The following FMO3 variants were observed in gnomAD, a reference collection of about 807,000 sequenced individuals.
FMO3 encodes the protein flavin containing dimethylaniline monoxygenase 3, also known as flavin-containing monooxygenase 3.
FMO3 carries 40 observed loss-of-function variants against 39.4 expected under a neutral mutation model. The observed-to-expected ratio is 1.02, with a 90% CI of 0.79 to 1.32. The LOEUF is 1.32. FMO3 is among the 40% of genes most tolerant of loss of function. FMO3 has a pLI of 0.00. For synonymous variants in FMO3, 219 were observed against 228.8 expected (o/e 0.96, Z 0.39); for missense variants, 680 against 651.8 (o/e 1.04, Z -0.47).
At chr1:171,095,138 T>G (rs977341895) in intron 2 of FMO3, among the ~76,000 whole-genome samples, 3 of 152,140 alleles carry the variant, frequency 2.0e-5, no homozygotes, top group Admixed American at 6.6e-5. Context: ...CTTGCACCTC[T>G]GGTTAAATGG....
At chr1:171,109,976 AG>A (rs1306253569) in intron 5 of FMO3, among the ~76,000 whole-genome samples, 5 of 152,240 alleles carry the variant, frequency 3.3e-5, no homozygotes, top group African/African-American at 1.2e-4. Flanking sequence ...CAGAAGGGGA[AG>A]GAAAGGAAAC....
At chr1:171,104,726 T>C (rs531166523) in intron 3 of FMO3, among the ~76,000 whole-genome samples, 74 of 152,034 alleles carry the variant, frequency 4.9e-4, no homozygotes, top group African/African-American at 1.8e-3. Context: ...ATACAAAAAT[T>C]AGCTGGATGT....
Position 171,114,198 on chromosome 1 carries a change from A to G in FMO3, c.1019A>G (p.Glu340Gly). The G allele has an allele frequency of 3.7e-6, 6 of 1,614,038 alleles. No individual in the cohort carries two copies. The highest frequency in any genetic ancestry group is 5.1e-6 in the Non-Finnish European group (6 of 1,179,970). ...AGTTTTGCCTACCCCTTCCTTGATGAGTCTATCATCAAAAGCAGAAACAAT... is the reference window on the plus strand; with the variant it reads ...AGTTTTGCCTACCCCTTCCTTGATGGGTCTATCATCAAAAGCAGAAACAAT... Reference protein sequence around the residue: ...GYSFAYPFLDESIIKSRNNEI... With the variant: ...GYSFAYPFLDGSIIKSRNNEI... Residue 340 changes from glutamate to glycine, a missense_variant, in exon 7 of 9, where the codon GAG becomes GGG. Coordinates refer to ENST00000367755, the MANE Select transcript of FMO3 (RefSeq NM_001002294.3).
chr1:171,116,100 A>G, intron 7 of FMO3, 108 bp from the exon 8 acceptor site: 1 of 735,572 alleles, frequency 1.4e-6, no homozygotes, highest in Non-Finnish European at 2.5e-6. Flanking sequence ...CTGTCTGAAA[A>G]TGAACACCAA....
intron 4 of FMO3, 84 bp from the exon 5 acceptor site, chr1:171,107,995 C>A: frequency 7.0e-7 from 1 of 1,436,670 alleles, no homozygotes; most frequent in Non-Finnish European, 9.8e-7. Flanking sequence ...ATTGTGACTG[C>A]ATCTATTCAC....
intron 2 of FMO3, among the ~76,000 whole-genome samples, chr1:171,102,309 C>A (rs1655434292): frequency 6.6e-6 from 1 of 151,174 alleles, no homozygotes; most frequent in African/African-American, 2.4e-5. Context: ...CCACTATGAA[C>A]TAGCAACTAC....
chr1:171,107,733 T>C lies in FMO3; in HGVS notation c.380T>C (p.Val127Ala), dbSNP rs1655708419. The C allele has an allele frequency of 6.2e-7, 1 of 1,611,916 alleles. No individual in the cohort carries two copies. The highest frequency in any genetic ancestry group is 8.5e-7 in the Non-Finnish European group (1 of 1,178,056). The change falls in exon 4 of 9, where the codon GTT becomes GCT. Residue 127 changes from valine to alanine, a missense_variant. Transcript: ENST00000367755. ...TTTGCAACTACTGGCCAGTGGGATG[T>C]TACCACTGAAAGGGATGGTAAAAAA... ...PDFATTGQWDVTTERDGKKES... is the reference protein window; with the variant it reads ...PDFATTGQWDATTERDGKKES...
chr1:171,095,689 G>A (rs1452492613), intron 2 of FMO3, among the ~76,000 whole-genome samples: 2 of 143,924 alleles, frequency 1.4e-5, no homozygotes, highest in Admixed American at 1.5e-4. Context: ...AAAAACTCTT[G>A]AAACCACCCA....
intron 7 of FMO3, 22 bp downstream of exon 7, chr1:171,114,384 T>C (rs1402046218): frequency 5.8e-6 from 9 of 1,550,268 alleles, no homozygotes; most frequent in South Asian, 3.4e-5. Flanking sequence ...AAGAGGCTCA[T>C]GGATTGCGAA....
chr1:171,116,413 C>T lies in FMO3; in HGVS notation c.1256+133C>T, dbSNP rs531123396. ...AATGACAACTACAAGCTATATTCAT[C>T]CATTCAACAAATATTAATTGAAGAC... On this transcript the variant is annotated intron_variant, in intron 8 of 8. Coordinates refer to ENST00000367755, the MANE Select transcript of FMO3 (RefSeq NM_001002294.3). 246 of 606,962 alleles carry T rather than the reference C, an allele frequency of 4.1e-4. 1 individual carries two copies. Among genetic ancestry groups the T allele is most frequent in the Non-Finnish European group, 5.1e-4 (174 of 338,420 alleles). 37.6% of individuals were successfully genotyped at this position (606,962 alleles called of 1,614,324 possible).
chr1:171,108,933 G>A (rs374801814), intron 5 of FMO3, among the ~76,000 whole-genome samples: 12 of 152,228 alleles, frequency 7.9e-5, no homozygotes, highest in Admixed American at 2.0e-4. Flanking sequence ...CTGAAGAGGC[G>A]ACAGAAGCTG....
intron 2 of FMO3, among the ~76,000 whole-genome samples, chr1:171,096,040 TTATATATAAATA>T (rs1557933053): frequency 6.4e-5 from 4 of 62,894 alleles, no homozygotes; most frequent in African/African-American, 3.3e-4. Context: ...ATAATATATA[TTATATATAAATA>T]TATAATATAT....
chr1:171,110,798 G>A lies in FMO3; in HGVS notation c.628G>A (p.Val210Ile). ...CATGGTTGAATTGGTGTTTTTTAAG[G>A]TCATGATCAGTTCCAGAAGTGGCTC... ...ATELSRTAEQ[V>I]MISSRSGSWV... The change falls in exon 6 of 9, where the codon GTC (valine) becomes ATC (isoleucine). Residue 210 changes from valine to isoleucine, a missense_variant and splice_region_variant. Coordinates refer to ENST00000367755, the MANE Select transcript of FMO3 (RefSeq NM_001002294.3). The A allele has an allele frequency of 6.2e-7, 1 of 1,613,850 alleles. No individual in the cohort carries two copies. Among genetic ancestry groups the A allele is most frequent in the Non-Finnish European group, 8.5e-7 (1 of 1,179,808 alleles).
At chr1:171,099,365 C>T (rs1655251417) in intron 2 of FMO3, among the ~76,000 whole-genome samples, 2 of 152,108 alleles carry the variant, frequency 1.3e-5, no homozygotes, top group Non-Finnish European at 2.9e-5. Flanking sequence ...CCCCCAACAT[C>T]TTATACAATG....
chr1:171,102,788 T>G (rs1172751882), intron 2 of FMO3, among the ~76,000 whole-genome samples: 2 of 152,198 alleles, frequency 1.3e-5, no homozygotes, highest in African/African-American at 4.8e-5. Flanking sequence ...TTTTCTTTAT[T>G]CATCATCACT....
chr1:171,102,883 G>A (rs1655469885), intron 2 of FMO3, among the ~76,000 whole-genome samples: 1 of 152,222 alleles, frequency 6.6e-6, no homozygotes, highest in African/African-American at 2.4e-5. Flanking sequence ...ATCATTGAAA[G>A]CTAAAACTTT....
Position 171,114,165 on chromosome 1 carries a change from C to G in FMO3, c.986C>G (p.Thr329Arg), listed in dbSNP as rs773554234. 3 of 1,613,908 alleles carry G rather than the reference C, an allele frequency of 1.9e-6. No homozygotes were observed. The highest frequency in any genetic ancestry group is 2.2e-5 in the South Asian group (2 of 91,082). ...GGCATTGACTGTGTAATCTTTGCAACAGGGTATAGTTTTGCCTACCCCTTC... is the reference window on the plus strand; with the variant it reads ...GGCATTGACTGTGTAATCTTTGCAAGAGGGTATAGTTTTGCCTACCCCTTC... ...FEGIDCVIFA[T>R]GYSFAYPFLD... Residue 329 changes from threonine to arginine, a missense_variant, in exon 7 of 9, where the codon ACA (threonine) becomes AGA (arginine). Transcript: ENST00000367755.
chr1:171,112,565 A>C (rs1171742303), intron 6 of FMO3, among the ~76,000 whole-genome samples: 3 of 152,304 alleles, frequency 2.0e-5, no homozygotes, highest in Admixed American at 2.0e-4. Flanking sequence ...AATGTCTTCA[A>C]GATATTTGAA....
chr1:171,111,285 T>C (rs564792123), intron 6 of FMO3, among the ~76,000 whole-genome samples: 1 of 152,338 alleles, frequency 6.6e-6, no homozygotes, highest in East Asian at 1.9e-4. Flanking sequence ...AGCAAGACTC[T>C]GCTAAGGCTC....
Sources: gnomAD v4.1 joint callset for allele counts (sites outside exome capture counted in the v4.1 genomes callset) on GRCh38, gnomAD v4.1.1 for gene constraint, MANE v1.5 for transcripts, NCBI Gene and HGNC (gene_info 2026-07-23, HGNC 2026-07-21) for gene names.